The following ASB2 variants were observed in gnomAD, a reference collection of about 807,000 sequenced individuals.
ASB2 encodes ankyrin repeat and SOCS box protein 2.
A neutral mutation model predicts 62.4 loss-of-function variants in ASB2; 58 were observed. The ratio of observed to expected loss-of-function variants is 0.93; its 90% CI spans 0.75 to 1.16. The LOEUF is 1.16. Among genes scored for constraint, ASB2 ranks in the 50% most tolerant of loss-of-function variants. ASB2 has a pLI of 0.00. For missense variants in ASB2, 928 were observed against 887.9 expected (o/e 1.05, Z -0.57); for synonymous variants, 386 against 385.3 (o/e 1.00, Z -0.02).
At chr14:93,965,218 T>A (rs530384944) in intron 1 of ASB2, among the ~76,000 whole-genome samples, 1 of 152,342 alleles carries the variant, frequency 6.6e-6, no homozygotes, top group Admixed American at 6.5e-5. Context: ...ATCCATGTAT[T>A]TATGCTCACT....
At chr14:93,935,915 C>T (rs925349105) in intron 9 of ASB2, among the ~76,000 whole-genome samples, 2 of 152,122 alleles carry the variant, frequency 1.3e-5, no homozygotes, top group Admixed American at 1.3e-4. Context: ...ATGCTGTGGT[C>T]TGGATAAAAA....
chr14:93,943,190 C>T (rs2141278625), intron 7 of ASB2, among the ~76,000 whole-genome samples: 1 of 152,324 alleles, frequency 6.6e-6, no homozygotes, highest in East Asian at 1.9e-4. Context: ...TGAGATCTTT[C>T]CCATGAATCT....
At chr14:93,949,784 G>C (rs943770244) in intron 6 of ASB2, among the ~76,000 whole-genome samples, 1 of 152,236 alleles carries the variant, frequency 6.6e-6, no homozygotes, top group African/African-American at 2.4e-5. Flanking sequence ...CTTGCCTGCT[G>C]AGCATGCTGT....
chr14:93,939,447 G>A lies in ASB2; in HGVS notation c.1278C>T (p.Ala426=), dbSNP rs1888418195. 1.2e-6 allele frequency: 2 copies of A among 1,612,636 alleles called. No individual in the cohort carries two copies. The highest frequency in any genetic ancestry group is 1.7e-6 in the Non-Finnish European group (2 of 1,179,808). The part of the protein sequence containing the change: ...YFAVVNNNVY[A]TELLLQHGAD... ...CGCCGTGTTGCAGCAGCAGCTCGGT[G>A]GCGTACACGTTGTTGTTGACCACCG... The change falls in exon 8 of 10, where the codon GCC becomes GCT. Residue 426 remains alanine (A), a synonymous_variant. Transcript: ENST00000555019.
chr14:93,964,757 A>G (rs1282497881), intron 1 of ASB2, 145 bp from the exon 2 acceptor site: 2 of 560,134 alleles, frequency 3.6e-6, no homozygotes, highest in Middle Eastern at 4.4e-4. Flanking sequence ...CTAACCACCT[A>G]TCCATCTATA....
chr14:93,964,292 C>T, intron 2 of ASB2, 42 bp downstream of exon 2: 2 of 1,514,044 alleles, frequency 1.3e-6, no homozygotes, highest in Non-Finnish European at 1.8e-6. Context: ...CTGTGGATGT[C>T]CTGGATGGCC....
At chr14:93,956,944 G>A in intron 2 of ASB2, 74 bp from the exon 3 acceptor site, 6 of 1,600,930 alleles carry the variant, frequency 3.7e-6, no homozygotes, top group Non-Finnish European at 5.1e-6. Flanking sequence ...GCTTCAGGCA[G>A]GAATGAGGAT....
intron 2 of ASB2, 86 bp from the exon 3 acceptor site, chr14:93,956,956 G>A (rs1238359936): frequency 1.3e-6 from 2 of 1,592,160 alleles, no homozygotes; most frequent in East Asian, 4.6e-5. Flanking sequence ...AATGAGGATG[G>A]AGGGAGAGCC....
At chr14:93,962,107 CTTTTTTTTT>C (rs35800977) in intron 2 of ASB2, among the ~76,000 whole-genome samples, 1,283 of 73,060 alleles carry the variant, frequency 0.018, 47 homozygotes, top group African/African-American at 0.068. Flanking sequence ...ATTAAACATT[CTTTTTTTTT>C]TTTTTTTTTT....
chr14:93,942,330 A>C (rs1396337685), intron 7 of ASB2: 10 of 453,436 alleles, frequency 2.2e-5, no homozygotes, highest in African/African-American at 1.8e-4. Flanking sequence ...TCCCCTCCCC[A>C]ATGCAGAGGC....
intron 1 of ASB2, among the ~76,000 whole-genome samples, chr14:93,970,992 G>A (rs1217452030): frequency 1.3e-5 from 2 of 152,204 alleles, no homozygotes; most frequent in African/African-American, 4.8e-5. Flanking sequence ...CGTGATCCCA[G>A]AAAGTGGGTG....
chr14:93,956,484 G>A (rs1889209737), intron 3 of ASB2, among the ~76,000 whole-genome samples: 1 of 152,096 alleles, frequency 6.6e-6, no homozygotes, highest in Admixed American at 6.5e-5. Flanking sequence ...GCCCCATGGG[G>A]CTCCTCCAGC....
intron 9 of ASB2, among the ~76,000 whole-genome samples, chr14:93,936,532 C>G (rs1246381879): frequency 6.6e-6 from 1 of 152,208 alleles, no homozygotes; most frequent in Non-Finnish European, 1.5e-5. Flanking sequence ...TAGAGTTAAG[C>G]CCTGAGTGAA....
chr14:93,958,937 C>T (rs1316764368), intron 2 of ASB2, among the ~76,000 whole-genome samples: 3 of 152,224 alleles, frequency 2.0e-5, no homozygotes, highest in African/African-American at 7.2e-5. Context: ...GGACCTGTCT[C>T]TGCATAGTAA....
At position 93,939,133 on chromosome 14, in the gene ASB2, G is replaced by A; in HGVS notation, c.1592C>T (p.Ala531Val). 1.3e-6 allele frequency: 2 copies of A among 1,540,034 alleles called. No homozygotes were observed. The highest frequency in any genetic ancestry group is 2.4e-5 in the East Asian group (1 of 42,362). ...PSSRFNDAPAADKEPSVVQFC... is the reference protein window; with the variant it reads ...PSSRFNDAPAVDKEPSVVQFC... Reference sequence around the variant, plus strand: ...CTGCACCACGCTGGGCTCCTTGTCGGCCGCGGGCGCGTCGTTGAACCTGCT... The same window carrying A: ...CTGCACCACGCTGGGCTCCTTGTCGACCGCGGGCGCGTCGTTGAACCTGCT... Residue 531 changes from alanine (A) to valine (V), a missense_variant, in exon 8 of 10, where the codon GCC (alanine) becomes GTC (valine). Ala to Val is a moderately conservative substitution (Grantham distance 64, BLOSUM62 0). Coordinates refer to ENST00000555019, the MANE Select transcript of ASB2 (RefSeq NM_001202429.2).
At chr14:93,935,082 G>T (rs1888224921) in intron 9 of ASB2, among the ~76,000 whole-genome samples, 1 of 152,166 alleles carries the variant, frequency 6.6e-6, no homozygotes, top group African/African-American at 2.4e-5. Context: ...CCTTGCCCAG[G>T]ATCCCTCCTG....
chr14:93,958,217 C>A (rs776689193), intron 2 of ASB2, among the ~76,000 whole-genome samples: 1 of 152,374 alleles, frequency 6.6e-6, no homozygotes, highest in East Asian at 1.9e-4. Context: ...TCTACTGACC[C>A]GCACTGGGGT....
intron 7 of ASB2, among the ~76,000 whole-genome samples, chr14:93,946,205 C>A (rs1888714821): frequency 6.6e-6 from 1 of 152,188 alleles, no homozygotes; most frequent in African/African-American, 2.4e-5. Flanking sequence ...TTTCAAGGGG[C>A]AAATCTCTTA....
intron 1 of ASB2, among the ~76,000 whole-genome samples, chr14:93,971,616 TC>T (rs1321768796): frequency 1.3e-5 from 2 of 152,210 alleles, no homozygotes; most frequent in Non-Finnish European, 2.9e-5. Context: ...GGTCACTACG[TC>T]CCACTGCAGC....
Sources: allele counts gnomAD v4.1 joint callset (sites outside exome capture counted in the v4.1 genomes callset), GRCh38; gene constraint gnomAD v4.1.1; transcripts MANE v1.5; gene names NCBI Gene and HGNC (gene_info 2026-07-23, HGNC 2026-07-21).